The following CNBP variants were observed in gnomAD, a reference collection of about 807,000 sequenced individuals.
The protein encoded by CNBP is cellular nucleic acid-binding protein.
CNBP carries 6 observed loss-of-function variants against 21.2 expected under a neutral mutation model. The ratio of observed to expected loss-of-function variants is 0.28; its 90% CI spans 0.16 to 0.56. CNBP has a LOEUF of 0.56. CNBP is among the 20% of genes least tolerant of loss of function. The probability of loss-of-function intolerance (pLI) is 0.93; values close to 1 mark genes in which losing one functional copy is unlikely to be tolerated. For missense variants in CNBP, 112 were observed against 233.1 expected, an observed-to-expected ratio of 0.48 and a Z score of 3.38; for synonymous variants, 61 against 74.9, an observed-to-expected ratio of 0.81 and a Z score of 0.96.
chr3:129,174,363 A>AAAAAAAAC (rs1937742434), intron 1 of CNBP, among the ~76,000 whole-genome samples: 1 of 148,044 alleles, frequency 6.8e-6, no homozygotes, highest in African/African-American at 2.5e-5. Context: ...AAAAAAAAAA[A>AAAAAAAAC]AAAAAAAAAA....
chr3:129,173,496 C>A (rs1283633281), intron 1 of CNBP, among the ~76,000 whole-genome samples: 1 of 152,126 alleles, frequency 6.6e-6, no homozygotes, highest in Non-Finnish European at 1.5e-5. Flanking sequence ...CTCCCCTTTC[C>A]AAATGTTTCT....
chr3:129,178,776 T>G (rs1047818005), intron 1 of CNBP, among the ~76,000 whole-genome samples: 1 of 151,848 alleles, frequency 6.6e-6, no homozygotes, highest in Non-Finnish European at 1.5e-5. Flanking sequence ...GACGGAGTCT[T>G]GCTTCGCCCA....
At chr3:129,177,494 T>G (rs1309113332) in intron 1 of CNBP, among the ~76,000 whole-genome samples, 1 of 152,244 alleles carries the variant, frequency 6.6e-6, no homozygotes, top group Non-Finnish European at 1.5e-5. Context: ...GCTTAATAGA[T>G]ATTCAATTTA....
At position 129,169,458 on chromosome 3, in the gene CNBP, C is replaced by G. The variant is rs941335392; in HGVS notation, c.*995G>C. On this transcript the variant is annotated 3_prime_UTR_variant, in exon 5 of 5. Coordinates refer to ENST00000422453, the MANE Select transcript of CNBP (RefSeq NM_003418.5). Reference sequence around the variant, plus strand: ...CATTATTGAAGACATGACTTAAGTACAAAAAGAAAAGTCCAAACTGTCAGC... The same window carrying G: ...CATTATTGAAGACATGACTTAAGTAGAAAAAGAAAAGTCCAAACTGTCAGC... The G allele has an allele frequency of 5.1e-6, 1 of 195,336 alleles. No homozygotes were observed. Among genetic ancestry groups the G allele is most frequent in the Admixed American group, 6.1e-5 (1 of 16,420 alleles). 12.1% of individuals were successfully genotyped at this position (195,336 alleles called of 1,614,324 possible).
rs906821597 is a variant in CNBP at position 129,167,893 on chromosome 3, A to T, written c.*2560T>A. Among the ~76,000 whole-genome samples the T allele has an allele frequency of 6.6e-6, 1 of 152,262 alleles. No homozygotes were observed. The highest frequency in any genetic ancestry group is 1.5e-5 in the Non-Finnish European group (1 of 68,040). ...ACAATTTGCTCAGTAAAAATAGCAC[A>T]TGAAAAAATATTATAAGCTTATATT... is the stretch of plus-strand genomic sequence containing the variant. On this transcript the variant is annotated 3_prime_UTR_variant, in exon 5 of 5. Transcript: ENST00000422453.
In CNBP at chr3:129,171,842, A is replaced by G. The variant is rs866449913; in HGVS notation, c.-14-71T>C. 2.3e-5 allele frequency: 34 copies of G among 1,473,840 alleles called. No homozygotes were observed. In the South Asian group the frequency reaches 3.4e-4, roughly 15 times the overall value. 91.3% of individuals were successfully genotyped at this position (1,473,840 alleles called of 1,614,324 possible). On this transcript the variant is annotated intron_variant, in intron 1 of 4. Transcript: ENST00000422453. ...TTAACTTTTATTCTCTATTAAATGT[A>G]TTTTTGGAAAATTATTCTGGGGAAA...
At chr3:129,172,600 G>GCAGA (rs1560034532) in intron 1 of CNBP, among the ~76,000 whole-genome samples, 4 of 52,394 alleles carry the variant, frequency 7.6e-5, no homozygotes, top group Middle Eastern at 8.2e-3. Flanking sequence ...AGGCAGGCAG[G>GCAGA]CAGGCAGACA....
rs1375211037 is a variant in CNBP at position 129,169,816 on chromosome 3, G to C, written c.*637C>G. On this transcript the variant is annotated 3_prime_UTR_variant, in exon 5 of 5. Coordinates refer to ENST00000422453, the MANE Select transcript of CNBP (RefSeq NM_003418.5). ...GCATTGATGTTTACTCTGGGTTTTA[G>C]ATTTAGTCTTTGAAAATAATGTGTT... 4.4e-6 allele frequency: 1 copy of C among 225,784 alleles called. No homozygotes were observed. Among genetic ancestry groups the C allele is most frequent in the Non-Finnish European group, 8.8e-6 (1 of 113,302 alleles). The allele number at this position is 225,784 out of a possible 1,614,324, so 14.0% of individuals were successfully genotyped here.
At position 129,170,164 on chromosome 3, in the gene CNBP, G is replaced by T; in HGVS notation, c.*289C>A. 2.7e-6 allele frequency: 1 copy of T among 365,168 alleles called. No individual in the cohort carries two copies. The highest frequency in any genetic ancestry group is 5.1e-6 in the Non-Finnish European group (1 of 197,424). 22.6% of individuals were successfully genotyped at this position (365,168 alleles called of 1,614,324 possible). A position where few individuals can be genotyped will look rare whatever the true frequency, so the allele number is the denominator to read the frequency against. Reference sequence around the variant, plus strand: ...CAAGGAACCCAGGACGGGCTTACTGGTCTGACTCAACTCTTCCCATTCATC... The same window carrying T: ...CAAGGAACCCAGGACGGGCTTACTGTTCTGACTCAACTCTTCCCATTCATC... On this transcript the variant is annotated 3_prime_UTR_variant, in exon 5 of 5. Coordinates refer to ENST00000422453, the MANE Select transcript of CNBP (RefSeq NM_003418.5).
intron 1 of CNBP, among the ~76,000 whole-genome samples, chr3:129,180,041 G>A (rs1938189073): frequency 6.6e-6 from 1 of 151,906 alleles, no homozygotes; most frequent in African/African-American, 2.4e-5. Context: ...AAGTTAAGTG[G>A]TAAAGTACAC....
intron 1 of CNBP, among the ~76,000 whole-genome samples, chr3:129,179,880 C>T (rs763250209): frequency 5.9e-5 from 9 of 152,046 alleles, no homozygotes; most frequent in Non-Finnish European, 7.4e-5. Flanking sequence ...GTGGCACACG[C>T]CTATAGTCCC....
chr3:129,171,580 T>A, intron 2 of CNBP, 42 bp from the exon 3 acceptor site: 3 of 1,614,112 alleles, frequency 1.9e-6, no homozygotes, highest in Non-Finnish European at 2.5e-6. Context: ...GTCAGACCAG[T>A]CTTGATACTA....
intron 1 of CNBP, among the ~76,000 whole-genome samples, chr3:129,180,539 A>AATAAAG (rs1938219526): frequency 6.6e-6 from 1 of 152,184 alleles, no homozygotes; most frequent in East Asian, 1.9e-4. Context: ...TTCTCACTTT[A>AATAAAG]TTATCTCAGT....
intron 1 of CNBP, among the ~76,000 whole-genome samples, chr3:129,172,656 GCAGACAGA>G (rs1169469064): frequency 2.6e-4 from 29 of 112,578 alleles, no homozygotes; most frequent in African/African-American, 6.0e-4. Context: ...AGGCAGGCAG[GCAGACAGA>G]CAGACAGACA....
At chr3:129,183,518 G>A (rs577438555) in intron 1 of CNBP, among the ~76,000 whole-genome samples, 2 of 152,360 alleles carry the variant, frequency 1.3e-5, no homozygotes, top group South Asian at 2.1e-4. Context: ...GGGTGCGGCC[G>A]TGGCGCCGAA....
chr3:129,180,594 A>G (rs1938221209), intron 1 of CNBP, among the ~76,000 whole-genome samples: 1 of 152,190 alleles, frequency 6.6e-6, no homozygotes, highest in Admixed American at 6.5e-5. Context: ...CAATCACTCA[A>G]TGGCATTCCC....
Position 129,173,288 on chromosome 3 carries a change from G to C in CNBP, c.-14-1517C>G, listed in dbSNP as rs77778076. Reference sequence around the variant, plus strand: ...TGGGAAGATGTGCAAAGGTTGTAATGCAAGTACTACACTATTTTATATTGG... The same window carrying C: ...TGGGAAGATGTGCAAAGGTTGTAATCCAAGTACTACACTATTTTATATTGG... On this transcript the variant is annotated intron_variant, in intron 1 of 4. Transcript: ENST00000422453. Among the ~76,000 whole-genome samples, 362 of 152,292 alleles carry C rather than the reference G, an allele frequency of 2.4e-3. 2 individuals carry two copies. In the East Asian group the frequency reaches 0.029, roughly 12 times the overall value.
At chr3:129,181,651 G>GAAAAAAAAAAAAAAAAA (rs371274750) in intron 1 of CNBP, among the ~76,000 whole-genome samples, 2 of 115,342 alleles carry the variant, frequency 1.7e-5, no homozygotes, top group African/African-American at 3.3e-5. Flanking sequence ...CTCCGTCTCA[G>GAAAAAAAAAAAAAAAAA]AAAAAAAAAA....
chr3:129,172,687 G>GACACAC (rs1187373246), intron 1 of CNBP, among the ~76,000 whole-genome samples: 8 of 94,198 alleles, frequency 8.5e-5, no homozygotes, highest in Admixed American at 7.6e-4. Context: ...CAGACAGACA[G>GACACAC]ACAGACAGAC....
Sources: allele counts gnomAD v4.1 joint callset (sites outside exome capture counted in the v4.1 genomes callset), GRCh38; gene constraint gnomAD v4.1.1; transcripts MANE v1.5; gene names NCBI Gene and HGNC (gene_info 2026-07-23, HGNC 2026-07-21).